MAP7D2: variants seen among roughly 807,000 people sequenced by gnomAD.
MAP7D2 encodes the protein MAP7 domain containing 2.
In MAP7D2, 33 loss-of-function variants were observed where a neutral mutation model predicts 63.5. The observed-to-expected ratio is 0.52, with a 90% CI of 0.39 to 0.70. The LOEUF (loss-of-function observed/expected upper bound fraction) is 0.70. MAP7D2 is among the 30% of genes least tolerant of loss of function. The pLI, the probability that MAP7D2 is intolerant of heterozygous loss-of-function variation, is 0.00. For missense variants in MAP7D2, 626 were observed against 604.0 expected (o/e 1.04, Z -0.38); for synonymous variants, 224 against 223.7 (o/e 1.00, Z -0.01).
intron 1 of MAP7D2, among the ~76,000 whole-genome samples, chrX:20,089,515 C>G (rs2066009068): frequency 8.9e-6 from 1 of 112,391 alleles, no homozygotes; most frequent in Non-Finnish European, 1.9e-5. Context: ...GTCCTTGCTA[C>G]TCAGAAGTGA....
At chrX:20,079,613 A>G in intron 1 of MAP7D2, among the ~76,000 whole-genome samples, 1 of 112,008 alleles carries the variant, frequency 8.9e-6, no homozygotes, top group Middle Eastern at 4.6e-3. Flanking sequence ...TATCCTAGTC[A>G]AGAGACTGGG....
chrX:20,055,832 C>G (rs745839541), intron 4 of MAP7D2: 1 of 951,459 alleles, frequency 1.1e-6, no homozygotes, highest in Non-Finnish European at 1.4e-6. Context: ...TTCTGATTCA[C>G]CTACACAGCA....
intron 3 of MAP7D2, 65 bp downstream of exon 3, chrX:20,063,349 C>A: frequency 1.7e-6 from 2 of 1,151,624 alleles, no homozygotes; most frequent in Non-Finnish European, 1.2e-6. Flanking sequence ...GGGCAGGATG[C>A]CCAGGCACTC....
intron 1 of MAP7D2, among the ~76,000 whole-genome samples, chrX:20,092,222 C>T (rs5955882): frequency 0.36 from 39,486 of 109,987 alleles, 8,503 homozygotes; most frequent in African/African-American, 0.81. Context: ...GCCTTGTATA[C>T]AGTAGGCTTA....
intron 1 of MAP7D2, among the ~76,000 whole-genome samples, chrX:20,066,562 A>G: frequency 8.9e-6 from 1 of 112,045 alleles, no homozygotes; most frequent in Non-Finnish European, 1.9e-5. Context: ...TTATGACACT[A>G]TCAACAATAT....
At chrX:20,075,121 C>CA (rs1249319515) in intron 1 of MAP7D2, among the ~76,000 whole-genome samples, 1 of 111,433 alleles carries the variant, frequency 9.0e-6, no homozygotes, top group Non-Finnish European at 1.9e-5. Flanking sequence ...ATACAATGTG[C>CA]AAAAAAAGAA....
Position 20,116,863 on chromosome X carries a change from C to A in MAP7D2, c.17G>T (p.Gly6Val). Reference protein sequence around the residue: MERGGGGSGTGSRPEG... With the variant: MERGGVGSGTGSRPEG... ...AGGCCGGGATCCCGTCCCGGAGCCGCCGCCGCCGCGCTCCATCGGGATGCG... is the reference window on the plus strand; with the variant it reads ...AGGCCGGGATCCCGTCCCGGAGCCGACGCCGCCGCGCTCCATCGGGATGCG... The change falls in exon 1 of 17, where the codon GGC becomes GTC. Residue 6 changes from glycine (G) to valine (V), a missense_variant. Coordinates refer to ENST00000379643, the MANE Select transcript of MAP7D2 (RefSeq NM_001168465.2). 8.7e-7 allele frequency: 1 copy of A among 1,143,863 alleles called. No individual in the cohort carries two copies. Among genetic ancestry groups the A allele is most frequent in the Non-Finnish European group, 1.2e-6 (1 of 863,503 alleles). 94.3% of individuals were successfully genotyped at this position (1,143,863 alleles called of 1,213,427 possible). A position where few individuals can be genotyped will look rare whatever the true frequency, so the allele number is the denominator to read the frequency against.
rs140079793 is a variant in MAP7D2 at position 20,042,522 on chromosome X, T to C, written c.987A>G (p.Pro329=). 2.0e-5 allele frequency: 24 copies of C among 1,209,494 alleles called. No homozygotes were observed. The highest frequency in any genetic ancestry group is 3.0e-5 in the East Asian group (1 of 33,774). The change falls in exon 8 of 17, where the codon CCA becomes CCG. Residue 329 remains proline (P), a synonymous_variant. Transcript: ENST00000379643. The part of the protein sequence containing the change: ...CEFSGGIPKR[P]SSPVISKTAT... ...CTTACTTGGATATCACAGGAGAAGA[T>C]GGTCTCTTAGGAATGCCTCCAGAAA...
At chrX:20,015,784 C>T (rs992983876) in intron 11 of MAP7D2, among the ~76,000 whole-genome samples, 2 of 112,479 alleles carry the variant, frequency 1.8e-5, no homozygotes, top group African/African-American at 6.5e-5. Context: ...CCCACAGTAA[C>T]ACATGCATCA....
chrX:20,115,897 T>A (rs1394929566), intron 1 of MAP7D2, among the ~76,000 whole-genome samples: 1 of 112,773 alleles, frequency 8.9e-6, no homozygotes, highest in Admixed American at 9.3e-5. Flanking sequence ...ATAAAAAAGT[T>A]GTTGTCAGGA....
intron 16 of MAP7D2, among the ~76,000 whole-genome samples, chrX:20,009,816 A>G (rs957023748): frequency 2.7e-5 from 3 of 110,317 alleles, no homozygotes; most frequent in African/African-American, 9.9e-5. Flanking sequence ...GCAACATAGC[A>G]AGACCCAACC....
chrX:20,060,897 T>C (rs949680266), intron 3 of MAP7D2, among the ~76,000 whole-genome samples: 10 of 109,513 alleles, frequency 9.1e-5, no homozygotes, highest in African/African-American at 3.3e-4. Flanking sequence ...CATGAGGGGT[T>C]ATCAAGAGTG....
At chrX:20,024,786 A>G (rs1215453982) in intron 10 of MAP7D2, among the ~76,000 whole-genome samples, 165 bp downstream of exon 10, 3 of 112,311 alleles carry the variant, frequency 2.7e-5, no homozygotes, top group African/African-American at 6.5e-5. Context: ...TACATCTAAT[A>G]TAAGACTCAG....
At chrX:20,044,265 T>G in intron 7 of MAP7D2, 99 bp downstream of exon 7, 1 of 869,772 alleles carries the variant, frequency 1.1e-6, no homozygotes, top group South Asian at 2.5e-5. Context: ...TCCCAGGAGA[T>G]TGATGGAAAC....
chrX:20,052,002 A>G (rs1387398701), intron 5 of MAP7D2, among the ~76,000 whole-genome samples: 1 of 112,102 alleles, frequency 8.9e-6, no homozygotes, highest in Non-Finnish European at 1.9e-5. Flanking sequence ...AGGGTCTCTG[A>G]CACACATAAT....
intron 1 of MAP7D2, among the ~76,000 whole-genome samples, chrX:20,068,444 T>G (rs1448214158): frequency 8.9e-6 from 1 of 112,261 alleles, no homozygotes; most frequent in Non-Finnish European, 1.9e-5. Context: ...AGCATCTGCT[T>G]CTTCTGCTTA....
At position 20,052,892 on chromosome X, in the gene MAP7D2, T is replaced by C. The variant is rs780635041; in HGVS notation, c.581A>G (p.Tyr194Cys). The part of the protein sequence containing the change: ...RLSSSTVAIS[Y>C]SPDRAHHMHL... ...TGTTCACTTGCCTCGGTCTGGGGAA[T>C]AGGATATTGCCACGGTGGATGAAGA... The change falls in exon 5 of 17, where the codon TAT becomes TGT. Residue 194 changes from tyrosine to cysteine, a missense_variant. Transcript: ENST00000379643. The C allele has an allele frequency of 2.5e-6, 3 of 1,206,934 alleles. No homozygotes were observed. Among genetic ancestry groups the C allele is most frequent in the Non-Finnish European group, 3.4e-6 (3 of 890,833 alleles).
At chrX:20,042,755 T>C (rs1287401062) in intron 7 of MAP7D2, 126 bp from the exon 8 acceptor site, 1 of 832,760 alleles carries the variant, frequency 1.2e-6, no homozygotes, top group African/African-American at 2.0e-5. Context: ...CTATAACGCT[T>C]CACATGACAG....
At chrX:20,107,534 GCACTCCAGC>G (rs1268528108) in intron 1 of MAP7D2, among the ~76,000 whole-genome samples, 4 of 111,027 alleles carry the variant, frequency 3.6e-5, no homozygotes, top group African/African-American at 1.3e-4. Flanking sequence ...TCACGCCACC[GCACTCCAGC>G]CTGGGGGATA....
Sources: allele counts gnomAD v4.1 joint callset (sites outside exome capture counted in the v4.1 genomes callset), GRCh38; gene constraint gnomAD v4.1.1; transcripts MANE v1.5; gene names NCBI Gene and HGNC (gene_info 2026-07-23, HGNC 2026-07-21).